GPC5: variants seen among roughly 807,000 people sequenced by gnomAD.
GPC5 encodes the protein glypican 5.
Under a neutral mutation model 53.9 loss-of-function variants are expected in GPC5, and 47 were observed. The ratio of observed to expected loss-of-function variants is 0.87; its 90% CI spans 0.69 to 1.11. The LOEUF is 1.11. GPC5 is among the 50% of genes most tolerant of loss of function. GPC5 has a pLI of 0.00. For synonymous variants in GPC5, 286 were observed against 263.3 expected (o/e 1.09, Z -0.84); for missense variants, 748 against 713.1 (o/e 1.05, Z -0.56).
At chr13:92,344,326 T>A (rs139415193) in intron 7 of GPC5, among the ~76,000 whole-genome samples, 1 of 152,186 alleles carries the variant, frequency 6.6e-6, no homozygotes, top group African/African-American at 2.4e-5. Context: ...AACCACCCCA[T>A]GATTCAATTA....
intron 7 of GPC5, among the ~76,000 whole-genome samples, chr13:92,369,824 C>T (rs1049485638): frequency 2.0e-5 from 3 of 151,950 alleles, no homozygotes; most frequent in African/African-American, 4.8e-5. Context: ...TTCAAGATAC[C>T]GAAATAAGTC....
intron 2 of GPC5, among the ~76,000 whole-genome samples, chr13:91,498,697 A>G (rs1884444720): frequency 6.6e-6 from 1 of 151,974 alleles, no homozygotes; most frequent in Non-Finnish European, 1.5e-5. Flanking sequence ...GCTGTAGGGG[A>G]GCCAGTTAGA....
chr13:92,442,435 A>G (rs1357640588), intron 7 of GPC5, among the ~76,000 whole-genome samples: 3 of 152,190 alleles, frequency 2.0e-5, no homozygotes, highest in Non-Finnish European at 4.4e-5. Context: ...TATACCATAG[A>G]GTGAGGTATG....
intron 2 of GPC5, among the ~76,000 whole-genome samples, chr13:91,652,723 G>C (rs566088331): frequency 2.8e-4 from 42 of 152,280 alleles, no homozygotes; most frequent in Admixed American, 2.7e-3. Context: ...GTTGACCGTG[G>C]TAACTGAAAC....
chr13:92,747,252 C>T (rs937662442), intron 7 of GPC5, among the ~76,000 whole-genome samples: 8 of 152,000 alleles, frequency 5.3e-5, no homozygotes, highest in African/African-American at 1.9e-4. Context: ...TTATTTTATC[C>T]CCATTTTACA....
chr13:92,836,863 A>G (rs1169301251), intron 7 of GPC5, among the ~76,000 whole-genome samples: 2 of 152,102 alleles, frequency 1.3e-5, no homozygotes, highest in Non-Finnish European at 2.9e-5. Context: ...TCTTTTGGAA[A>G]GTAAGTCCCC....
chr13:91,457,550 A>G (rs1881648277), intron 2 of GPC5, among the ~76,000 whole-genome samples: 1 of 152,128 alleles, frequency 6.6e-6, no homozygotes, highest in African/African-American at 2.4e-5. Flanking sequence ...ACCACACTCA[A>G]TAGCCATGTG....
intron 2 of GPC5, among the ~76,000 whole-genome samples, chr13:91,577,662 A>G (rs1427793000): frequency 6.6e-6 from 1 of 152,150 alleles, no homozygotes; most frequent in African/African-American, 2.4e-5. Context: ...CTTGGTCATA[A>G]AGAAAAAAAT....
At chr13:91,584,990 C>A (rs1276597244) in intron 2 of GPC5, among the ~76,000 whole-genome samples, 1 of 152,106 alleles carries the variant, frequency 6.6e-6, no homozygotes, top group African/African-American at 2.4e-5. Context: ...TATAAGACAT[C>A]CCTATAAATC....
Position 91,884,313 on chromosome 13 carries a change from A to G in GPC5, c.1281-23624A>G, listed in dbSNP as rs138840440. On this transcript the variant is annotated intron_variant, in intron 5 of 7. Coordinates refer to ENST00000377067, the MANE Select transcript of GPC5 (RefSeq NM_004466.6). Reference sequence around the variant, plus strand: ...AAACATGCATGCCTATGTTTATTGCAGCACTATTCACAGTAGCAAAGGCAT... The same window carrying G: ...AAACATGCATGCCTATGTTTATTGCGGCACTATTCACAGTAGCAAAGGCAT... 2.0e-5 allele frequency among the ~76,000 whole-genome samples: 3 copies of G among 152,338 alleles called. No individual in the cohort carries two copies. The East Asian group carries it at 5.8e-4, about 29-fold the overall frequency.
chr13:92,458,827 C>A (rs1463510975), intron 7 of GPC5, among the ~76,000 whole-genome samples: 1 of 152,126 alleles, frequency 6.6e-6, no homozygotes, highest in Admixed American at 6.6e-5. Context: ...TTATTACGGT[C>A]ATCATCACCA....
At chr13:92,455,866 T>C (rs998897412) in intron 7 of GPC5, among the ~76,000 whole-genome samples, 5 of 152,176 alleles carry the variant, frequency 3.3e-5, no homozygotes, top group Non-Finnish European at 5.9e-5. Flanking sequence ...TCAAACTCAC[T>C]GCATATTACC....
chr13:92,569,776 A>T (rs904295253), intron 7 of GPC5, among the ~76,000 whole-genome samples: 3 of 152,212 alleles, frequency 2.0e-5, no homozygotes, highest in Non-Finnish European at 4.4e-5. Context: ...TTTTCCTTAA[A>T]AAAATTCTAA....
At chr13:92,859,727 A>G (rs1879118467) in intron 7 of GPC5, among the ~76,000 whole-genome samples, 1 of 152,094 alleles carries the variant, frequency 6.6e-6, no homozygotes, top group African/African-American at 2.4e-5. Context: ...TTCTATTTGT[A>G]TATTCGTTCT....
chr13:91,468,470 A>C (rs1882387764), intron 2 of GPC5, among the ~76,000 whole-genome samples: 1 of 152,154 alleles, frequency 6.6e-6, no homozygotes, highest in Non-Finnish European at 1.5e-5. Flanking sequence ...TATATAAAAG[A>C]GGAATTTGAA....
At chr13:92,027,831 G>A (rs767282108) in intron 6 of GPC5, among the ~76,000 whole-genome samples, 30 of 152,082 alleles carry the variant, frequency 2.0e-4, no homozygotes, top group Non-Finnish European at 3.8e-4. Context: ...ATCCAACACT[G>A]CACACAACAG....
At position 92,155,793 on chromosome 13, in the gene GPC5, C is replaced by G. The variant is rs74473549; in HGVS notation, c.1561+10804C>G. ...TCTCTAACTTCTTTCCTGAAATTTT[C>G]TAATTCTAGTTTATTTCTTTGTGTC... On this transcript the variant is annotated intron_variant, in intron 7 of 7. Coordinates refer to ENST00000377067, the MANE Select transcript of GPC5 (RefSeq NM_004466.6). Among the ~76,000 whole-genome samples, 266 of 152,112 alleles carry G rather than the reference C, an allele frequency of 1.7e-3. 1 individual carries two copies. Among genetic ancestry groups the G allele is most frequent in the African/African-American group, 6.0e-3 (248 of 41,554 alleles).
chr13:92,193,130 G>A (rs547189213), intron 7 of GPC5, among the ~76,000 whole-genome samples: 91 of 152,132 alleles, frequency 6.0e-4, no homozygotes, highest in African/African-American at 2.1e-3. Context: ...AGCCGAGATG[G>A]CGCCACTGCA....
Position 91,928,965 on chromosome 13 carries a change from A to G in GPC5, c.1401+20908A>G, listed in dbSNP as rs140462368. Among the ~76,000 whole-genome samples, 315 of 152,156 alleles carry G rather than the reference A, an allele frequency of 2.1e-3. 3 individuals carry two copies. Among genetic ancestry groups the G allele is most frequent in the African/African-American group, 7.1e-3 (294 of 41,522 alleles). ...TTTCACAGATTGTTTCTCATCATCAATCTCACAAGTATAAGTAGGTTTCAA... is the reference window on the plus strand; with the variant it reads ...TTTCACAGATTGTTTCTCATCATCAGTCTCACAAGTATAAGTAGGTTTCAA... On this transcript the variant is annotated intron_variant, in intron 6 of 7. Coordinates refer to ENST00000377067, the MANE Select transcript of GPC5 (RefSeq NM_004466.6).
Sources: allele counts gnomAD v4.1 joint callset (sites outside exome capture counted in the v4.1 genomes callset), GRCh38; gene constraint gnomAD v4.1.1; transcripts MANE v1.5; gene names NCBI Gene and HGNC (gene_info 2026-07-23, HGNC 2026-07-21).